NUP210L: variants seen among roughly 807,000 people sequenced by gnomAD.
The protein encoded by NUP210L is nucleoporin 210 like, also known as nuclear pore membrane glycoprotein 210-like.
In NUP210L, 74 loss-of-function variants were observed where a neutral mutation model predicts 208.5. That is an observed-to-expected ratio of 0.35 (90% CI 0.29 to 0.43). The LOEUF (loss-of-function observed/expected upper bound fraction) is 0.43. Among genes scored for constraint, NUP210L ranks in the 20% least tolerant of loss-of-function variants. The probability of loss-of-function intolerance (pLI) is 1.00; values close to 1 mark genes in which losing one functional copy is unlikely to be tolerated. For synonymous variants in NUP210L, 780 were observed against 816.9 expected, an observed-to-expected ratio of 0.95 and a Z score of 0.77; for missense variants, 1,843 against 2,289.4, an observed-to-expected ratio of 0.81 and a Z score of 3.98.
chr1:154,153,498 T>C (rs537891384), intron 1 of NUP210L, among the ~76,000 whole-genome samples: 4 of 152,260 alleles, frequency 2.6e-5, no homozygotes, highest in African/African-American at 9.6e-5. Flanking sequence ...TTAGTAGGGA[T>C]GGGCTTTCAT....
At chr1:153,994,152 T>C (rs1171048789) in intron 38 of NUP210L, among the ~76,000 whole-genome samples, 1 of 152,158 alleles carries the variant, frequency 6.6e-6, no homozygotes, top group Non-Finnish European at 1.5e-5. Context: ...AGTGCTAGGA[T>C]TACAGGTGTG....
chr1:154,128,617 G>A (rs553617503), intron 8 of NUP210L, among the ~76,000 whole-genome samples: 5 of 150,628 alleles, frequency 3.3e-5, no homozygotes, highest in African/African-American at 7.3e-5. Flanking sequence ...TTGGGAGGCC[G>A]AGGAGAGCAA....
chr1:154,076,790 G>A (rs184114047), intron 16 of NUP210L, among the ~76,000 whole-genome samples: 2 of 152,152 alleles, frequency 1.3e-5, no homozygotes, highest in African/African-American at 4.8e-5. Context: ...TAGAAGAATA[G>A]AGGAAGAAAG....
At chr1:154,140,499 T>A (rs1201318711) in intron 4 of NUP210L, among the ~76,000 whole-genome samples, 1 of 149,276 alleles carries the variant, frequency 6.7e-6, no homozygotes, top group Admixed American at 6.7e-5. Flanking sequence ...AAACCCCATC[T>A]CCACTAAAAA....
chr1:154,057,013 C>T, intron 22 of NUP210L, 66 bp from the exon 23 acceptor site: 1 of 1,545,852 alleles, frequency 6.5e-7, no homozygotes, highest in Non-Finnish European at 8.8e-7. Context: ...GGGTCTTACT[C>T]TGTCGCCCAG....
chr1:154,121,996 C>T (rs1657638654), intron 10 of NUP210L, among the ~76,000 whole-genome samples: 1 of 151,534 alleles, frequency 6.6e-6, no homozygotes, highest in Non-Finnish European at 1.5e-5. Context: ...TCAATGAAAC[C>T]AACAGTTGCT....
At chr1:154,095,613 ATGT>A (rs1000575902) in intron 14 of NUP210L, among the ~76,000 whole-genome samples, 2 of 152,338 alleles carry the variant, frequency 1.3e-5, no homozygotes, top group African/African-American at 2.4e-5. Context: ...ATTTAGTACA[ATGT>A]TGTGTGCAGA....
At chr1:154,073,453 G>A (rs1485749254) in intron 16 of NUP210L, among the ~76,000 whole-genome samples, 1 of 152,084 alleles carries the variant, frequency 6.6e-6, no homozygotes, top group East Asian at 1.9e-4. Flanking sequence ...TTGAGCCCAA[G>A]TTCAAGGTTA....
chr1:154,001,358 C>G (rs1331438150), intron 36 of NUP210L, among the ~76,000 whole-genome samples: 1 of 152,054 alleles, frequency 6.6e-6, no homozygotes, highest in Non-Finnish European at 1.5e-5. Flanking sequence ...CCACCACGTC[C>G]AGCTAATTTT....
chr1:154,058,503 G>A, intron 21 of NUP210L, 62 bp downstream of exon 21: 2 of 1,560,028 alleles, frequency 1.3e-6, no homozygotes, highest in Non-Finnish European at 1.7e-6. Context: ...ACTATATTAA[G>A]GAATGCTGGG....
chr1:154,054,902 TA>T (rs1211486856), intron 23 of NUP210L, 70 bp from the exon 24 acceptor site: 39 of 1,144,992 alleles, frequency 3.4e-5, no homozygotes, highest in African/African-American at 1.9e-4. Flanking sequence ...CATGGTCATT[TA>T]AATTTTTTTT....
chr1:154,073,631 A>G (rs551559683), intron 16 of NUP210L, among the ~76,000 whole-genome samples: 4 of 152,046 alleles, frequency 2.6e-5, no homozygotes, highest in Admixed American at 1.3e-4. Flanking sequence ...CCTGGCTAAC[A>G]TGGCGAAACC....
chr1:153,993,003 A>T lies in NUP210L; in HGVS notation c.5566+12T>A. On this transcript the variant is annotated intron_variant, in intron 39 of 39. Transcript: ENST00000368559. ...CTGAGCTTTTCAAAGATGAGGACAG[A>T]GGCTTTTTTACCTGGCTGTGGTGTT... 6.2e-7 allele frequency: 1 copy of T among 1,612,746 alleles called. No individual in the cohort carries two copies. The highest frequency in any genetic ancestry group is 8.5e-7 in the Non-Finnish European group (1 of 1,179,282).
In NUP210L at chr1:154,033,549, T is replaced by C. The variant is rs1652370768; in HGVS notation, c.3697-3495A>G. On this transcript the variant is annotated intron_variant, in intron 27 of 39. Transcript: ENST00000368559. ...TCTTGGCACCTTTGTTAAAAGTGAG[T>C]TTCCTGCAGGTGTATGAATTTGTTT... Among the ~76,000 whole-genome samples, 3 of 152,150 alleles carry C rather than the reference T, an allele frequency of 2.0e-5. No individual in the cohort carries two copies. The South Asian group carries it at 6.2e-4, about 31-fold the overall frequency.
chr1:154,138,300 CT>C (rs1658651716), intron 5 of NUP210L, 62 bp from the exon 6 acceptor site: 1 of 1,427,090 alleles, frequency 7.0e-7, no homozygotes, highest in East Asian at 2.7e-5. Context: ...TCACAGTCAT[CT>C]TTCTTGTTAA....
rs192312414 is a variant in NUP210L at position 154,054,108 on chromosome 1, G to A, written c.3483+120C>T. ...GCCTGGTTGACAGAATGCCAGGTAG[G>A]GGCACTCTAAGGCTTTTCCTGGGCT... On this transcript the variant is annotated intron_variant, in intron 25 of 39. Coordinates refer to ENST00000368559, the Ensembl canonical transcript of NUP210L. 6 of 907,616 alleles carry A rather than the reference G, an allele frequency of 6.6e-6. No individual in the cohort carries two copies. In the East Asian group the frequency reaches 1.0e-4, roughly 15 times the overall value. 56.2% of individuals were successfully genotyped at this position (907,616 alleles called of 1,614,324 possible). A position where few individuals can be genotyped will look rare whatever the true frequency, so the allele number is the denominator to read the frequency against.
At chr1:154,118,944 A>T in intron 10 of NUP210L, 136 bp from the exon 11 acceptor site, 1 of 456,704 alleles carries the variant, frequency 2.2e-6, no homozygotes, top group Non-Finnish European at 3.8e-6. Flanking sequence ...AAAGAAATAA[A>T]TAAATATTTC....
At chr1:154,046,333 C>T (rs553132646) in exon 26 of NUP210L, 8 of 1,614,198 alleles carry the variant, frequency 5.0e-6, no homozygotes, top group African/African-American at 1.3e-5. Context: ...AGGATCCTAA[C>T]AGCCCTTAGC....
chr1:154,087,275 G>A (rs1486571792), intron 16 of NUP210L, among the ~76,000 whole-genome samples: 1 of 140,226 alleles, frequency 7.1e-6, no homozygotes, highest in Non-Finnish European at 1.5e-5. Context: ...AGCTGAGATT[G>A]CACCACTTCA....
Sources: allele counts gnomAD v4.1 joint callset (sites outside exome capture counted in the v4.1 genomes callset), GRCh38; gene constraint gnomAD v4.1.1; transcripts MANE v1.5; gene names NCBI Gene and HGNC (gene_info 2026-07-23, HGNC 2026-07-21).